MTA3: variants seen among roughly 807,000 people sequenced by gnomAD.
MTA3 encodes metastasis-associated protein MTA3.
Under a neutral mutation model 83.5 loss-of-function variants are expected in MTA3, and 34 were observed. The ratio of observed to expected loss-of-function variants is 0.41; its 90% CI spans 0.31 to 0.54. MTA3 has a LOEUF of 0.54. MTA3 is among the 20% of genes least tolerant of loss of function. The pLI is 0.33. For synonymous variants in MTA3, 303 were observed against 252.7 expected, an observed-to-expected ratio of 1.20 and a Z score of -1.89; for missense variants, 761 against 726.4, an observed-to-expected ratio of 1.05 and a Z score of -0.55.
At chr2:42,600,624 C>T (rs1403550062) in intron 3 of MTA3, among the ~76,000 whole-genome samples, 1 of 152,052 alleles carries the variant, frequency 6.6e-6, no homozygotes, top group Admixed American at 6.6e-5. Context: ...TCACTGCAAC[C>T]TCTGCCTCCT....
intron 4 of MTA3, among the ~76,000 whole-genome samples, chr2:42,631,334 T>C (rs1686652725): frequency 6.6e-6 from 1 of 152,214 alleles, no homozygotes; most frequent in African/African-American, 2.4e-5. Flanking sequence ...TTTAGCATGC[T>C]CTTTTTGGAA....
intron 4 of MTA3, among the ~76,000 whole-genome samples, chr2:42,636,205 T>C (rs1429492959): frequency 6.6e-6 from 1 of 152,152 alleles, no homozygotes; most frequent in East Asian, 1.9e-4. Context: ...ATATCTGCAC[T>C]TTTCTAAGTG....
chr2:42,594,719 TATA>T (rs1367974000), intron 3 of MTA3, among the ~76,000 whole-genome samples: 31 of 43,684 alleles, frequency 7.1e-4, no homozygotes, highest in African/African-American at 3.5e-3. Flanking sequence ...TATATATATA[TATA>T]TATATATTTT....
chr2:42,739,679 T>C (rs1047364054), intron 16 of MTA3, among the ~76,000 whole-genome samples: 2 of 152,224 alleles, frequency 1.3e-5, no homozygotes, highest in African/African-American at 4.8e-5. Context: ...TTTGATAGTA[T>C]TTTACCCACA....
At chr2:42,499,698 G>T (rs2103638775) in intron 2 of MTA3, among the ~76,000 whole-genome samples, 1 of 151,414 alleles carries the variant, frequency 6.6e-6, no homozygotes, top group Non-Finnish European at 1.5e-5. Flanking sequence ...CTGAGCAGGA[G>T]AATCGCTTGA....
intron 11 of MTA3, chr2:42,698,635 T>A (rs1693596941): frequency 6.6e-6 from 1 of 152,228 alleles, no homozygotes; most frequent in Non-Finnish European, 1.5e-5. Flanking sequence ...GAGTTCTGTG[T>A]GCTGCTCTAA....
intron 8 of MTA3, among the ~76,000 whole-genome samples, chr2:42,672,679 T>C (rs570290467): frequency 1.1e-3 from 106 of 96,346 alleles, no homozygotes; most frequent in Admixed American, 2.6e-3. Context: ...AAAAAAGTAA[T>C]CAAAAGGTGT....
chr2:42,695,634 CAAAAAAAAAAAAAAAAA>C (rs70963347), intron 9 of MTA3, 114 bp from the exon 10 acceptor site: 1 of 130,152 alleles, frequency 7.7e-6, no homozygotes, highest in Admixed American at 2.3e-4. Context: ...CAGTCTATCT[CAAAAAAAAAAAAAAAAA>C]AAAAAAAAAA....
chr2:42,698,025 G>A (rs4411758), intron 11 of MTA3, among the ~76,000 whole-genome samples, 191 bp downstream of exon 11: 119,937 of 152,142 alleles, frequency 0.79, 48,232 homozygotes, highest in African/African-American at 0.95. Flanking sequence ...AGACTAACCT[G>A]AAGACTAGAG....
intron 2 of MTA3, among the ~76,000 whole-genome samples, chr2:42,574,062 T>A (rs927651759): frequency 4.0e-5 from 6 of 151,090 alleles, no homozygotes; most frequent in African/African-American, 9.8e-5. Context: ...GGTCTCGATC[T>A]CCTGACCTTG....
intron 16 of MTA3, among the ~76,000 whole-genome samples, chr2:42,738,488 C>T (rs1434677894): frequency 6.6e-6 from 1 of 152,168 alleles, no homozygotes; most frequent in Non-Finnish European, 1.5e-5. Context: ...ATCTCTTAAT[C>T]CTGTCAGCCG....
chr2:42,741,085 C>T (rs1261623928), intron 16 of MTA3, among the ~76,000 whole-genome samples: 2 of 152,238 alleles, frequency 1.3e-5, no homozygotes, highest in Admixed American at 1.3e-4. Flanking sequence ...TCTACATCAG[C>T]GCTTGCTGCT....
intron 4 of MTA3, among the ~76,000 whole-genome samples, chr2:42,618,927 A>G (rs1685226928): frequency 6.6e-6 from 1 of 151,994 alleles, no homozygotes; most frequent in Non-Finnish European, 1.5e-5. Context: ...TCTTTTCTGT[A>G]ATAATTGTAT....
chr2:42,755,871 C>G lies in MTA3; in HGVS notation c.*2472C>G, dbSNP rs1447542695. The G allele has an allele frequency of 2.0e-6, 2 of 985,526 alleles. No homozygotes were observed. The highest frequency in any genetic ancestry group is 2.3e-4 in the East Asian group (2 of 8,812). The allele number at this position is 985,526 out of a possible 1,614,324, so 61.0% of individuals were successfully genotyped here. Reference sequence around the variant, plus strand: ...GACACAGGCTCTGCAGGCTATCTCCCCCTCTGGCTCAGTCATCGCCTGCCC... The same window carrying G: ...GACACAGGCTCTGCAGGCTATCTCCGCCTCTGGCTCAGTCATCGCCTGCCC... On this transcript the variant is annotated 3_prime_UTR_variant, in exon 17 of 17. Coordinates refer to ENST00000405094, the MANE Select transcript of MTA3 (RefSeq NM_001330442.2).
chr2:42,549,238 C>A, intron 2 of MTA3, among the ~76,000 whole-genome samples: 1 of 126,578 alleles, frequency 7.9e-6, no homozygotes, highest in Admixed American at 9.7e-5. Context: ...TATATGTATA[C>A]GTATATAATA....
At chr2:42,542,127 A>G (rs1676545364) in intron 2 of MTA3, among the ~76,000 whole-genome samples, 1 of 152,166 alleles carries the variant, frequency 6.6e-6, no homozygotes, top group Non-Finnish European at 1.5e-5. Context: ...TAGATCAAGT[A>G]TAGACTCACA....
intron 4 of MTA3, among the ~76,000 whole-genome samples, chr2:42,611,841 A>T (rs535577590): frequency 7.9e-5 from 12 of 152,286 alleles, no homozygotes; most frequent in African/African-American, 2.6e-4. Flanking sequence ...GGTGAGATAG[A>T]TAAATAGATA....
chr2:42,544,232 G>A (rs1454656270), intron 2 of MTA3, among the ~76,000 whole-genome samples: 2 of 152,028 alleles, frequency 1.3e-5, no homozygotes, highest in African/African-American at 4.8e-5. Flanking sequence ...CAGATCACAA[G>A]GTCAGGAGTT....
intron 3 of MTA3, among the ~76,000 whole-genome samples, chr2:42,604,869 A>G (rs1375834569): frequency 6.7e-6 from 1 of 148,182 alleles, no homozygotes; most frequent in Non-Finnish European, 1.5e-5. Flanking sequence ...GAGTGGACAC[A>G]GCACATGTTT....
Sources: gnomAD v4.1 joint callset for allele counts (sites outside exome capture counted in the v4.1 genomes callset) on GRCh38, gnomAD v4.1.1 for gene constraint, MANE v1.5 for transcripts, NCBI Gene and HGNC (gene_info 2026-07-23, HGNC 2026-07-21) for gene names.